The following TMPRSS6 variants were observed in gnomAD, a reference collection of about 807,000 sequenced individuals.
TMPRSS6 encodes transmembrane serine protease 6, also known as transmembrane protease serine 6.
In TMPRSS6, 67 loss-of-function variants were observed where a neutral mutation model predicts 101.5. The ratio of observed to expected loss-of-function variants is 0.66; its 90% CI spans 0.54 to 0.81. TMPRSS6 has a LOEUF of 0.81. Among genes scored for constraint, TMPRSS6 ranks in the 30% least tolerant of loss-of-function variants. The probability of loss-of-function intolerance (pLI) is 0.00; values close to 1 mark genes in which losing one functional copy is unlikely to be tolerated. For missense variants in TMPRSS6, 1,034 were observed against 1,088.7 expected, an observed-to-expected ratio of 0.95 and a Z score of 0.71; for synonymous variants, 453 against 464.9, an observed-to-expected ratio of 0.97 and a Z score of 0.33.
At chr22:37,066,985 G>C (rs1459982886) in intron 16 of TMPRSS6, 23 bp from the exon 17 acceptor site, 3 of 1,614,084 alleles carry the variant, frequency 1.9e-6, no homozygotes, top group Non-Finnish European at 1.7e-6. Context: ...AAGGGCAGAA[G>C]TGAGATCTCA....
At chr22:37,081,572 A>G (rs1176815839) in intron 10 of TMPRSS6, among the ~76,000 whole-genome samples, 1 of 152,146 alleles carries the variant, frequency 6.6e-6, no homozygotes, top group East Asian at 1.9e-4. Flanking sequence ...GGGTGCATCT[A>G]GGGATCCATG....
intron 10 of TMPRSS6, among the ~76,000 whole-genome samples, chr22:37,083,535 AC>A (rs528069585): frequency 3.2e-4 from 48 of 152,150 alleles, no homozygotes; most frequent in African/African-American, 1.2e-3. Context: ...CTGTCCATAC[AC>A]CCTGTCTCTG....
chr22:37,069,362 G>T lies in TMPRSS6; in HGVS notation c.1842-18C>A. 1 of 1,465,958 alleles carries T rather than the reference G, an allele frequency of 6.8e-7. No homozygotes were observed. Among genetic ancestry groups the T allele is most frequent in the Non-Finnish European group, 9.3e-7 (1 of 1,080,846 alleles). 90.8% of individuals were successfully genotyped at this position (1,465,958 alleles called of 1,614,324 possible). On this transcript the variant is annotated intron_variant, in intron 15 of 17. Coordinates refer to ENST00000676104, the MANE Select transcript of TMPRSS6 (RefSeq NM_001374504.1). This position sits in a 1 kb window ranked among gnomAD's most constrained non-coding sequence, Gnocchi z 4.8. ...AGGCCATGCTGGGGTGGGGTGGGGT[G>T]GGGTGGGGTGGGGTGAGGTGAGGTG...
At chr22:37,109,475 G>T (rs1930937649) in intron 1 of TMPRSS6, 28 bp downstream of exon 1, 1 of 152,490 alleles carries the variant, frequency 6.6e-6, no homozygotes, top group African/African-American at 2.4e-5. Flanking sequence ...ATAGATCCCG[G>T]TCCCCTGTCC....
At chr22:37,073,759 T>G in intron 12 of TMPRSS6, 114 bp from the exon 13 acceptor site, 1 of 765,304 alleles carries the variant, frequency 1.3e-6, no homozygotes. Context: ...ACAAATCTCT[T>G]TCTCTGCTAC....
chr22:37,094,173 C>T (rs189507554), intron 6 of TMPRSS6, among the ~76,000 whole-genome samples: 3 of 152,098 alleles, frequency 2.0e-5, no homozygotes, highest in Non-Finnish European at 2.9e-5. Flanking sequence ...ATATCTCTGA[C>T]TTACTATTGG....
chr22:37,080,971 C>T (rs1445022744), intron 10 of TMPRSS6, among the ~76,000 whole-genome samples: 2 of 152,274 alleles, frequency 1.3e-5, no homozygotes, highest in African/African-American at 2.4e-5. Flanking sequence ...CGCACACAGA[C>T]ATGCATCTGT....
At chr22:37,067,033 T>G in intron 16 of TMPRSS6, 71 bp from the exon 17 acceptor site, 1 of 1,557,938 alleles carries the variant, frequency 6.4e-7, no homozygotes, top group Non-Finnish European at 8.8e-7. Context: ...TCCCTAACAT[T>G]ATTCCCTTTG....
intron 14 of TMPRSS6, 53 bp downstream of exon 14, chr22:37,070,863 G>A: frequency 6.5e-7 from 1 of 1,549,360 alleles, no homozygotes; most frequent in Non-Finnish European, 8.9e-7. Flanking sequence ...TTCCTGCTGT[G>A]GGCACCCCCT....
intron 7 of TMPRSS6, among the ~76,000 whole-genome samples, chr22:37,089,104 T>G (rs1929008905): frequency 1.3e-5 from 2 of 152,142 alleles, no homozygotes; most frequent in Admixed American, 1.3e-4. Context: ...ACACCTACTG[T>G]GCGTTTGGTC....
In TMPRSS6 at chr22:37,089,562, C is replaced by T; in HGVS notation, c.836+16G>A. On this transcript the variant is annotated intron_variant, in intron 7 of 17. Coordinates refer to ENST00000676104, the MANE Select transcript of TMPRSS6 (RefSeq NM_001374504.1). ...TTTTCCAGCCCTCCCTCCTGCCCTC[C>T]TTCCCAGGGACTCACGAGGTGATGA... 1 of 1,595,690 alleles carries T rather than the reference C, an allele frequency of 6.3e-7. No individual in the cohort carries two copies. Among genetic ancestry groups the T allele is most frequent in the South Asian group, 1.1e-5 (1 of 88,788 alleles).
In TMPRSS6 at chr22:37,069,005, G is replaced by A. The variant is rs1926593470; in HGVS notation, c.2113+68C>T. On this transcript the variant is annotated intron_variant, in intron 16 of 17. Coordinates refer to ENST00000676104, the MANE Select transcript of TMPRSS6 (RefSeq NM_001374504.1). The surrounding 1 kb of genome is among the most constrained non-coding windows in gnomAD (Gnocchi z 4.8). ...GGACCCCCAGCCCCGCCCTTCTCCA[G>A]GCCAGGTGTTACGGCGCAGATCCGC... is the stretch of plus-strand genomic sequence containing the variant. 5 of 1,525,528 alleles carry A rather than the reference G, an allele frequency of 3.3e-6. No homozygotes were observed. Among genetic ancestry groups the A allele is most frequent in the Non-Finnish European group, 4.4e-6 (5 of 1,142,120 alleles). 94.5% of individuals were successfully genotyped at this position (1,525,528 alleles called of 1,614,324 possible).
At chr22:37,094,736 C>A (rs1262250075) in intron 6 of TMPRSS6, among the ~76,000 whole-genome samples, 1 of 152,208 alleles carries the variant, frequency 6.6e-6, no homozygotes, top group Non-Finnish European at 1.5e-5. Context: ...AAGAAGCAAG[C>A]ATTTGACCAG....
In TMPRSS6 at chr22:37,070,539, C is replaced by T. The variant is rs368004115; in HGVS notation, c.1786G>A (p.Ala596Thr). Residue 596 changes from alanine (A) to threonine (T), a missense_variant, in exon 15 of 18, where the codon GCC becomes ACC. Ala to Thr is a moderately conservative substitution (Grantham distance 58). Transcript: ENST00000676104. ...QVRGRHICGGALIADRWVITA... is the reference protein window; with the variant it reads ...QVRGRHICGGTLIADRWVITA... Reference sequence around the variant, plus strand: ...ATCACCCAGCGGTCAGCGATGAGGGCCCCCCCACAGATGTGTCGACCCCGA... The same window carrying T: ...ATCACCCAGCGGTCAGCGATGAGGGTCCCCCCACAGATGTGTCGACCCCGA... 1 of 1,613,228 alleles carries T rather than the reference C, an allele frequency of 6.2e-7. No individual in the cohort carries two copies. The highest frequency in any genetic ancestry group is 8.5e-7 in the Non-Finnish European group (1 of 1,179,908).
Position 37,095,880 on chromosome 22 carries a change from C to T in TMPRSS6, c.589+26G>A, listed in dbSNP as rs762975320. ...TTTCCCCCAACCTCATGAGGCCAACCCCACGTTTCCACTCGCAGTACTGAC... is the reference window on the plus strand; with the variant it reads ...TTTCCCCCAACCTCATGAGGCCAACTCCACGTTTCCACTCGCAGTACTGAC... On this transcript the variant is annotated intron_variant, in intron 5 of 17. Transcript: ENST00000676104. 3.1e-6 allele frequency: 5 copies of T among 1,613,698 alleles called. No individual in the cohort carries two copies. In the South Asian group the frequency reaches 5.5e-5, roughly 18 times the overall value.
rs942725536 is a variant in TMPRSS6, at chr22:37,101,506, C to T, written c.202+1710G>A. ...GTCACTGGTCACTTGTGCACCTCCT[C>T]TTCCAGACAGGGCAGGGCGTGTCTC... On this transcript the variant is annotated intron_variant, in intron 2 of 17. Coordinates refer to ENST00000676104, the MANE Select transcript of TMPRSS6 (RefSeq NM_001374504.1). This position sits in a 1 kb window ranked among gnomAD's most constrained non-coding sequence, Gnocchi z 4.1. 2.6e-5 allele frequency among the ~76,000 whole-genome samples: 4 copies of T among 152,116 alleles called. No homozygotes were observed. The highest frequency in any genetic ancestry group is 2.6e-4 in the Admixed American group (4 of 15,282).
chr22:37,097,816 C>CG (rs1430340941), intron 3 of TMPRSS6, among the ~76,000 whole-genome samples: 20 of 98,100 alleles, frequency 2.0e-4, no homozygotes, highest in South Asian at 3.5e-4. Context: ...GGGGCAGGAG[C>CG]GGCCACCGTC....
intron 10 of TMPRSS6, 113 bp from the exon 11 acceptor site, chr22:37,075,393 T>C (rs531639756): frequency 7.2e-7 from 1 of 1,391,336 alleles, no homozygotes; most frequent in African/African-American, 1.4e-5. Context: ...ACGCCCGCTG[T>C]GCCTCCTCTG....
intron 7 of TMPRSS6, among the ~76,000 whole-genome samples, chr22:37,087,967 T>C (rs1928918890): frequency 6.6e-6 from 1 of 152,058 alleles, no homozygotes; most frequent in African/African-American, 2.4e-5. Context: ...CTAGCAGGTG[T>C]CTGGGGTACA....
Sources: gnomAD v4.1 joint callset for allele counts (sites outside exome capture counted in the v4.1 genomes callset) on GRCh38, gnomAD v4.1.1 for gene constraint, Gnocchi (gnomAD v3.1) non-coding constraint, MANE v1.5 for transcripts, NCBI Gene and HGNC (gene_info 2026-07-23, HGNC 2026-07-21) for gene names.